Variants in NKX2-8 observed in about 807,000 individuals in gnomAD.
The protein encoded by NKX2-8 is NK2 homeobox 8.
In NKX2-8, 8 loss-of-function variants were observed where a neutral mutation model predicts 6.4. The ratio of observed to expected loss-of-function variants is 1.24; its 90% CI spans 0.73 to 2.24. The LOEUF (loss-of-function observed/expected upper bound fraction) is 2.24, where lower values mean the gene tolerates loss of function less well. Among genes scored for constraint, NKX2-8 ranks in the 30% most tolerant of loss-of-function variants. The pLI is 0.00. For synonymous variants in NKX2-8, 216 were observed against 171.5 expected (o/e 1.26, Z -2.03); for missense variants, 406 against 351.1 (o/e 1.16, Z -1.25).
In NKX2-8 at chr14:36,581,519, T is replaced by C; in HGVS notation, c.158-55A>G. 7.0e-7 allele frequency: 1 copy of C among 1,436,452 alleles called. No individual in the cohort carries two copies. Among genetic ancestry groups the C allele is most frequent in the Non-Finnish European group, 9.2e-7 (1 of 1,081,558 alleles). 89.0% of individuals were successfully genotyped at this position (1,436,452 alleles called of 1,614,324 possible). A position where few individuals can be genotyped will look rare whatever the true frequency, so the allele number is the denominator to read the frequency against. On this transcript the variant is annotated intron_variant, in intron 1 of 1. Transcript: ENST00000258829. This position sits in a 1 kb window ranked among gnomAD's most constrained non-coding sequence, Gnocchi z 5.6. Reference sequence around the variant, plus strand: ...TGAGACGCCGGACCCTACGAGGGCCTGCTGCCCTTCTGGCGCGGGCGTGGA... The same window carrying C: ...TGAGACGCCGGACCCTACGAGGGCCCGCTGCCCTTCTGGCGCGGGCGTGGA...
In NKX2-8 at chr14:36,581,602, T is replaced by C. The variant is rs59162397; in HGVS notation, c.158-138A>G. The C allele has an allele frequency of 6.5e-4, 451 of 698,958 alleles. 1 individual carries two copies. In the African/African-American group the frequency reaches 7.5e-3, roughly 12 times the overall value. The allele number at this position is 698,958 out of a possible 1,614,324, so 43.3% of individuals were successfully genotyped here. On this transcript the variant is annotated intron_variant, in intron 1 of 1. Coordinates refer to ENST00000258829, the MANE Select transcript of NKX2-8 (RefSeq NM_014360.4). This position sits in a 1 kb window ranked among gnomAD's most constrained non-coding sequence, Gnocchi z 5.6. ...AGACTTTCGGGATGAGGCCATTTCCTGAGTCCACATCTGGACATCCACCTC... is the reference window on the plus strand; with the variant it reads ...AGACTTTCGGGATGAGGCCATTTCCCGAGTCCACATCTGGACATCCACCTC...
In NKX2-8 at chr14:36,582,380, A is replaced by G. The variant is rs140967337; in HGVS notation, c.10T>C (p.Ser4Pro). The G allele has an allele frequency of 3.9e-6, 6 of 1,522,162 alleles. No individual in the cohort carries two copies. The highest frequency in any genetic ancestry group is 5.3e-6 in the Non-Finnish European group (6 of 1,126,142). 94.3% of individuals were successfully genotyped at this position (1,522,162 alleles called of 1,614,324 possible). The change falls in exon 1 of 2, where the codon TCT becomes CCT. Residue 4 changes from serine to proline, a missense_variant. Ser to Pro is a moderately conservative substitution (Grantham distance 74). Coordinates refer to ENST00000258829, the MANE Select transcript of NKX2-8 (RefSeq NM_014360.4). ...CGCACGGTGAAGCTCAGGCGTCCAG[A>G]GGTGGCCATGGCCGAGGAGGGGAAG... is the stretch of plus-strand genomic sequence containing the variant. MATSGRLSFTVRSL... is the reference protein window; with the variant it reads MATPGRLSFTVRSL...
Position 36,580,910 on chromosome 14 carries a change from TCCAGGAGA to T in NKX2-8, c.704_711del (p.Val235GlufsTer80). ...GGTGCCGCCCTGCGGCCTCACCAGT[TCCAGGAGA>T]CCAGGGCGGGGGATGCTAAGTGCTG... On this transcript the variant is annotated frameshift_variant, in exon 2 of 2. Transcript: ENST00000258829. LOFTEE classifies it high-confidence loss of function. 7.6e-7 allele frequency: 1 copy of T among 1,323,914 alleles called. No homozygotes were observed. The highest frequency in any genetic ancestry group is 9.6e-7 in the Non-Finnish European group (1 of 1,044,050). The allele number at this position is 1,323,914 out of a possible 1,614,324, so 82.0% of individuals were successfully genotyped here. A position where few individuals can be genotyped will look rare whatever the true frequency, so the allele number is the denominator to read the frequency against.
Position 36,581,163 on chromosome 14 carries a change from C to T in NKX2-8, c.459G>A (p.Leu153=), listed in dbSNP as rs751838118. Residue 153 remains leucine, a synonymous_variant, in exon 2 of 2, where the codon CTG becomes CTA. Coordinates refer to ENST00000258829, the MANE Select transcript of NKX2-8 (RefSeq NM_014360.4). This position sits in a 1 kb window ranked among gnomAD's most constrained non-coding sequence, Gnocchi z 5.6. The part of the protein sequence containing the change: ...RAPGAAESPD[L]AASAELHAAP... ...CGGCGTGCAGCTCGGCGGATGCTGC[C>T]AGGTCAGGCGACTCCGCCGCCCCTG... The T allele has an allele frequency of 8.2e-6, 13 of 1,587,502 alleles. No homozygotes were observed. Among genetic ancestry groups the T allele is most frequent in the Non-Finnish European group, 1.0e-5 (12 of 1,172,030 alleles).
chr14:36,581,305 TGCTGCCGGAAGCGCC>T lies in NKX2-8; in HGVS notation c.302_316del (p.Arg101_Gln105del), dbSNP rs2139054664. ...GCGCTCGGGCGCAGACAGGTACCGC[TGCTGCCGGAAGCGCC>T]GCTCCAACTCCAGCGTCTGCGCCTT... On this transcript the variant is annotated inframe_deletion, in exon 2 of 2. Coordinates refer to ENST00000258829, the MANE Select transcript of NKX2-8 (RefSeq NM_014360.4). The surrounding 1 kb of genome is among the most constrained non-coding windows in gnomAD (Gnocchi z 5.6). 2.5e-6 allele frequency: 4 copies of T among 1,593,094 alleles called. No homozygotes were observed. The East Asian group carries it at 9.1e-5, about 36-fold the overall frequency.
rs752169343 is a variant in NKX2-8 at position 36,582,245 on chromosome 14, C to T, written c.145G>A (p.Gly49Ser). The T allele has an allele frequency of 4.4e-6, 7 of 1,608,324 alleles. No homozygotes were observed. The South Asian group carries it at 5.5e-5, about 13-fold the overall frequency. The change falls in exon 1 of 2, where the codon GGC becomes AGC. Residue 49 changes from glycine (G) to serine (S), a missense_variant. Transcript: ENST00000258829. ...PCAAWLDSER[G>S]HYPSSDESSL... ...ACCACGCACTTACAAGGGTAGTGGC[C>T]GCGCTCCGAATCCAGCCAGGCGGCG...
chr14:36,581,328 C>G lies in NKX2-8; in HGVS notation c.294G>C (p.Glu98Asp). 1.3e-6 allele frequency: 2 copies of G among 1,579,578 alleles called. No homozygotes were observed. The highest frequency in any genetic ancestry group is 1.8e-5 in the Admixed American group (1 of 54,608). Residue 98 changes from glutamate (E) to aspartate (D), a missense_variant, in exon 2 of 2, where the codon GAG (glutamate) becomes GAC (aspartate). Coordinates refer to ENST00000258829, the MANE Select transcript of NKX2-8 (RefSeq NM_014360.4). The surrounding 1 kb of genome is among the most constrained non-coding windows in gnomAD (Gnocchi z 5.6). ...RVLFSKAQTL[E>D]LERRFRQQRY... ...GCTGCTGCCGGAAGCGCCGCTCCAA[C>G]TCCAGCGTCTGCGCCTTGGAGAATA...
At position 36,581,165 on chromosome 14, in the gene NKX2-8, G is replaced by C. The variant is rs1339408061; in HGVS notation, c.457C>G (p.Leu153Val). Residue 153 changes from leucine to valine, a missense_variant, in exon 2 of 2, where the codon CTG (leucine) becomes GTG (valine). Transcript: ENST00000258829. This position sits in a 1 kb window ranked among gnomAD's most constrained non-coding sequence, Gnocchi z 5.6. Reference sequence around the variant, plus strand: ...GCGTGCAGCTCGGCGGATGCTGCCAGGTCAGGCGACTCCGCCGCCCCTGGA... The same window carrying C: ...GCGTGCAGCTCGGCGGATGCTGCCACGTCAGGCGACTCCGCCGCCCCTGGA... ...RAPGAAESPDLAASAELHAAP... is the reference protein window; with the variant it reads ...RAPGAAESPDVAASAELHAAP... 6.3e-7 allele frequency: 1 copy of C among 1,591,764 alleles called. No homozygotes were observed.
rs1879195405 is a variant in NKX2-8 at position 36,580,796 on chromosome 14, T to G, written c.*106A>C. ...ACCCTGGCGCCCAAGGAGATGGGGC[T>G]GCAGGGAGGCGGACGGAGAGCGTTC... is the stretch of plus-strand genomic sequence containing the variant. On this transcript the variant is annotated 3_prime_UTR_variant, in exon 2 of 2. Coordinates refer to ENST00000258829, the MANE Select transcript of NKX2-8 (RefSeq NM_014360.4). 1 of 839,386 alleles carries G rather than the reference T, an allele frequency of 1.2e-6. No individual in the cohort carries two copies. Among genetic ancestry groups the G allele is most frequent in the South Asian group, 5.7e-5 (1 of 17,434 alleles). The allele number at this position is 839,386 out of a possible 1,614,324, so 52.0% of individuals were successfully genotyped here. A position where few individuals can be genotyped will look rare whatever the true frequency, so the allele number is the denominator to read the frequency against.
Position 36,582,494 on chromosome 14 carries a change from CA to C in NKX2-8, c.-106del, listed in dbSNP as rs1387731345. The C allele has an allele frequency of 4.4e-6, 5 of 1,140,314 alleles. No individual in the cohort carries two copies. The highest frequency in any genetic ancestry group is 3.2e-5 in the African/African-American group (2 of 62,478). The allele number at this position is 1,140,314 out of a possible 1,614,324, so 70.6% of individuals were successfully genotyped here. The stretch of plus-strand genomic sequence containing the variant: ...GTGGGAGGCGCTCGCCATGCGCTGG[CA>C]GCCGGGATATTAGCGCATTTACAGC... On this transcript the variant is annotated 5_prime_UTR_variant, in exon 1 of 2. Transcript: ENST00000258829.
In NKX2-8 at chr14:36,582,408, G is replaced by T. The variant is rs1008081635; in HGVS notation, c.-19C>A. 4.0e-6 allele frequency: 6 copies of T among 1,482,358 alleles called. No individual in the cohort carries two copies. The highest frequency in any genetic ancestry group is 2.1e-5 in the Admixed American group (1 of 46,636). The allele number at this position is 1,482,358 out of a possible 1,614,324, so 91.8% of individuals were successfully genotyped here. A position where few individuals can be genotyped will look rare whatever the true frequency, so the allele number is the denominator to read the frequency against. ...TGGCCATGGCCGAGGAGGGGAAGGA[G>T]GCGGGGGCAGGGCAGGCTGGGAACG... On this transcript the variant is annotated 5_prime_UTR_variant, in exon 1 of 2. Transcript: ENST00000258829.
chr14:36,582,204 C>T (rs778917583), intron 1 of NKX2-8, 29 bp downstream of exon 1: 10 of 1,588,340 alleles, frequency 6.3e-6, no homozygotes, highest in African/African-American at 1.3e-5. Flanking sequence ...CTACCTCCCA[C>T]CCCGCACCGC....
In NKX2-8 at chr14:36,582,528, CTG is replaced by C; in HGVS notation, c.-141_-140del. The C allele has an allele frequency of 1.2e-6, 1 of 867,024 alleles. No homozygotes were observed. 53.7% of individuals were successfully genotyped at this position (867,024 alleles called of 1,614,324 possible). On this transcript the variant is annotated 5_prime_UTR_variant, in exon 1 of 2. Coordinates refer to ENST00000258829, the MANE Select transcript of NKX2-8 (RefSeq NM_014360.4). ...TATTAGCGCATTTACAGCGGAATCT[CTG>C]TTTATATAAACAGCTCTTCCCACCC...
Position 36,580,676 on chromosome 14 carries a change from C to G in NKX2-8, c.*226G>C. ...AATAAGGCCCAAGCATAAAATCTAA[C>G]TCTGGGGCTGGCGGTGGAGGGAAGG... is the stretch of plus-strand genomic sequence containing the variant. On this transcript the variant is annotated 3_prime_UTR_variant, in exon 2 of 2. Transcript: ENST00000258829. 1 of 396,054 alleles carries G rather than the reference C, an allele frequency of 2.5e-6. No individual in the cohort carries two copies. The highest frequency in any genetic ancestry group is 4.4e-5 in the Admixed American group (1 of 22,640). 24.5% of individuals were successfully genotyped at this position (396,054 alleles called of 1,614,324 possible).
Position 36,582,485 on chromosome 14 carries a change from A to C in NKX2-8, c.-96T>G. 2 of 1,213,776 alleles carry C rather than the reference A, an allele frequency of 1.6e-6. No homozygotes were observed. The highest frequency in any genetic ancestry group is 2.2e-6 in the Non-Finnish European group (2 of 892,272). 75.2% of individuals were successfully genotyped at this position (1,213,776 alleles called of 1,614,324 possible). ...CGGATGGGCGTGGGAGGCGCTCGCC[A>C]TGCGCTGGCAGCCGGGATATTAGCG... On this transcript the variant is annotated 5_prime_UTR_variant, in exon 1 of 2. It removes an upstream start codon present in the reference 5' UTR. Transcript: ENST00000258829.
chr14:36,582,146 TTCCGGCCCCTCGTGG>T (rs1489291774), intron 1 of NKX2-8, 72 bp downstream of exon 1: 2 of 1,409,240 alleles, frequency 1.4e-6, no homozygotes, highest in African/African-American at 2.8e-5. Flanking sequence ...GATTTCGGCT[TTCCGGCCCCTCGTGG>T]GCTGGGCCCT....
In NKX2-8 at chr14:36,582,449, C is replaced by T. The variant is rs1194588522; in HGVS notation, c.-60G>A. On this transcript the variant is annotated 5_prime_UTR_variant, in exon 1 of 2. Transcript: ENST00000258829. ...GCTGGGAACGGAGGGGCGGCCGGGA[C>T]GCCGCTCCTACGGATGGGCGTGGGA... 2.1e-6 allele frequency: 3 copies of T among 1,415,550 alleles called. No homozygotes were observed. The highest frequency in any genetic ancestry group is 2.8e-6 in the Non-Finnish European group (3 of 1,073,676). 87.7% of individuals were successfully genotyped at this position (1,415,550 alleles called of 1,614,324 possible).
intron 1 of NKX2-8, among the ~76,000 whole-genome samples, chr14:36,582,015 T>A (rs1879259631): frequency 6.6e-6 from 1 of 152,044 alleles, no homozygotes; most frequent in Admixed American, 6.5e-5. Flanking sequence ...ACCCCAAATC[T>A]CGGAGCACCA....
At position 36,580,786 on chromosome 14, in the gene NKX2-8, G is replaced by A; in HGVS notation, c.*116C>T. 6.8e-6 allele frequency: 5 copies of A among 739,292 alleles called. No homozygotes were observed. The highest frequency in any genetic ancestry group is 6.8e-5 in the South Asian group (1 of 14,744). The allele number at this position is 739,292 out of a possible 1,614,324, so 45.8% of individuals were successfully genotyped here. A position where few individuals can be genotyped will look rare whatever the true frequency, so the allele number is the denominator to read the frequency against. ...CGCGCCAGGGACCCTGGCGCCCAAGGAGATGGGGCTGCAGGGAGGCGGACG... is the reference window on the plus strand; with the variant it reads ...CGCGCCAGGGACCCTGGCGCCCAAGAAGATGGGGCTGCAGGGAGGCGGACG... On this transcript the variant is annotated 3_prime_UTR_variant, in exon 2 of 2. Transcript: ENST00000258829.
Sources: allele counts gnomAD v4.1 joint callset (sites outside exome capture counted in the v4.1 genomes callset), GRCh38; gene constraint gnomAD v4.1.1; non-coding constraint Gnocchi (gnomAD v3.1); transcripts MANE v1.5; gene names NCBI Gene and HGNC (gene_info 2026-07-23, HGNC 2026-07-21).